Variants in AUH observed in about 807,000 individuals in gnomAD.
The protein encoded by AUH is AU RNA binding methylglutaconyl-CoA hydratase.
A neutral mutation model predicts 42.3 loss-of-function variants in AUH; 29 were observed. The observed-to-expected ratio is 0.69, with a 90% confidence interval of 0.51 to 0.93. The LOEUF (loss-of-function observed/expected upper bound fraction) is 0.93, where lower values mean the gene tolerates loss of function less well. AUH is among the 40% of genes least tolerant of loss of function. AUH has a pLI of 0.00. For synonymous variants in AUH, 174 were observed against 166.4 expected (o/e 1.05, Z -0.35); for missense variants, 452 against 438.1 (o/e 1.03, Z -0.28).
At chr9:91,249,523 TG>T in intron 6 of AUH, among the ~76,000 whole-genome samples, 1 of 152,166 alleles carries the variant, frequency 6.6e-6, no homozygotes, top group Admixed American at 6.5e-5. Flanking sequence ...AGTTTTTTTT[TG>T]GTAACACCGA....
At chr9:91,232,227 A>G (rs1250338263) in intron 6 of AUH, among the ~76,000 whole-genome samples, 1 of 152,084 alleles carries the variant, frequency 6.6e-6, no homozygotes, top group Non-Finnish European at 1.5e-5. Context: ...TCTACCACAC[A>G]TAGAGATACA....
intron 6 of AUH, among the ~76,000 whole-genome samples, chr9:91,266,087 G>A (rs1829961431): frequency 6.6e-6 from 1 of 152,170 alleles, no homozygotes; most frequent in Admixed American, 6.5e-5. Context: ...TTACGGCCGG[G>A]CACGGTGGCT....
chr9:91,360,788 G>A (rs1442316614), intron 1 of AUH, among the ~76,000 whole-genome samples: 2 of 152,148 alleles, frequency 1.3e-5, no homozygotes. Flanking sequence ...TTTCACTTCT[G>A]CTTAACAGAT....
intron 6 of AUH, among the ~76,000 whole-genome samples, chr9:91,275,576 T>TTTCTC (rs1825476615): frequency 6.6e-6 from 1 of 152,200 alleles, no homozygotes; most frequent in African/African-American, 2.4e-5. Flanking sequence ...TCTCAACCAC[T>TTTCTC]TGACAGAGTG....
chr9:91,244,903 C>A (rs1828712068), intron 6 of AUH, among the ~76,000 whole-genome samples: 1 of 152,122 alleles, frequency 6.6e-6, no homozygotes, highest in African/African-American at 2.4e-5. Context: ...TAAAAGTAAG[C>A]CATACTGTCA....
At chr9:91,308,631 T>C (rs1375015561) in intron 4 of AUH, among the ~76,000 whole-genome samples, 1 of 152,182 alleles carries the variant, frequency 6.6e-6, no homozygotes, top group Non-Finnish European at 1.5e-5. Flanking sequence ...AAATATATGC[T>C]GGATTCAATC....
chr9:91,241,247 C>G (rs1196891699), intron 6 of AUH, among the ~76,000 whole-genome samples: 2 of 152,168 alleles, frequency 1.3e-5, no homozygotes, highest in African/African-American at 4.8e-5. Context: ...TAGCAGCATA[C>G]ATGTATCAGA....
intron 4 of AUH, among the ~76,000 whole-genome samples, chr9:91,301,001 T>C (rs948566159): frequency 2.6e-5 from 4 of 152,262 alleles, no homozygotes; most frequent in African/African-American, 7.2e-5. Context: ...ACGTTCTTAC[T>C]AATCTGGGAC....
At chr9:91,218,681 T>A in intron 7 of AUH, 10 of 985,352 alleles carry the variant, frequency 1.0e-5, no homozygotes, top group Non-Finnish European at 1.2e-5. Context: ...TGTTTCCTCC[T>A]TAAAACATTT....
chr9:91,351,220 C>T (rs868562293), intron 3 of AUH, among the ~76,000 whole-genome samples: 1 of 152,160 alleles, frequency 6.6e-6, no homozygotes, highest in South Asian at 2.1e-4. Context: ...AACTGCCTAC[C>T]TCGGCCTCCC....
At chr9:91,302,448 G>T (rs571453838) in intron 4 of AUH, among the ~76,000 whole-genome samples, 61 of 152,266 alleles carry the variant, frequency 4.0e-4, no homozygotes, top group Non-Finnish European at 6.0e-4. Flanking sequence ...AATTAGCTGG[G>T]CGTGGTGGTA....
At chr9:91,350,766 A>C (rs1380214378) in intron 3 of AUH, among the ~76,000 whole-genome samples, 1 of 152,076 alleles carries the variant, frequency 6.6e-6, no homozygotes, top group Non-Finnish European at 1.5e-5. Context: ...CTCAAAAAAA[A>C]AAAACAAAAA....
chr9:91,321,134 T>C (rs986675544), intron 4 of AUH, among the ~76,000 whole-genome samples: 5 of 152,204 alleles, frequency 3.3e-5, no homozygotes, highest in Non-Finnish European at 7.4e-5. Context: ...TGATATATCT[T>C]TTTTTGGCTA....
chr9:91,338,361 T>C (rs1217553982), intron 3 of AUH, among the ~76,000 whole-genome samples: 2 of 152,244 alleles, frequency 1.3e-5, no homozygotes. Flanking sequence ...AAAAGTCTCA[T>C]AGATCCCTCA....
intron 6 of AUH, among the ~76,000 whole-genome samples, chr9:91,280,853 A>C (rs1314230949): frequency 6.6e-6 from 1 of 152,188 alleles, no homozygotes; most frequent in African/African-American, 2.4e-5. Context: ...GTTTACATCA[A>C]GGTTCTTTTT....
intron 6 of AUH, among the ~76,000 whole-genome samples, chr9:91,244,678 C>A (rs1828700234): frequency 6.6e-6 from 1 of 152,116 alleles, no homozygotes; most frequent in African/African-American, 2.4e-5. Context: ...GGGTTCTAAA[C>A]CCACAATGGC....
chr9:91,345,523 C>T (rs1002949086), intron 3 of AUH, among the ~76,000 whole-genome samples: 2 of 152,030 alleles, frequency 1.3e-5, no homozygotes, highest in Non-Finnish European at 2.9e-5. Context: ...ACAGACAGTG[C>T]GGTATTGGCA....
intron 6 of AUH, among the ~76,000 whole-genome samples, chr9:91,272,744 GTA>G (rs1825248736): frequency 6.6e-6 from 1 of 151,994 alleles, no homozygotes. Flanking sequence ...GTTTACTACT[GTA>G]TTTCCAGCCA....
chr9:91,306,928 C>T (rs1828268684), intron 4 of AUH, among the ~76,000 whole-genome samples: 1 of 152,012 alleles, frequency 6.6e-6, no homozygotes, highest in South Asian at 2.1e-4. Flanking sequence ...TACATCTGGG[C>T]AATGGAATAC....
Sources: allele counts gnomAD v4.1 joint callset (sites outside exome capture counted in the v4.1 genomes callset), GRCh38; gene constraint gnomAD v4.1.1; transcripts MANE v1.5; gene names NCBI Gene and HGNC (gene_info 2026-07-23, HGNC 2026-07-21).